Variants in RANBP9 observed in about 807,000 individuals in gnomAD.
The protein encoded by RANBP9 is ran-binding protein 9.
Under a neutral mutation model 84.3 loss-of-function variants are expected in RANBP9, and 15 were observed. The observed-to-expected ratio is 0.18, with a 90% confidence interval of 0.12 to 0.27. The LOEUF (loss-of-function observed/expected upper bound fraction) is 0.27, where lower values mean the gene tolerates loss of function less well. Among genes scored for constraint, RANBP9 ranks in the 10% least tolerant of loss-of-function variants. The probability of loss-of-function intolerance (pLI) is 1.00; values close to 1 mark genes in which losing one functional copy is unlikely to be tolerated. For synonymous variants in RANBP9, 392 were observed against 349.6 expected, an observed-to-expected ratio of 1.12 and a Z score of -1.35; for missense variants, 809 against 912.8, an observed-to-expected ratio of 0.89 and a Z score of 1.46.
intron 8 of RANBP9, 24 bp downstream of exon 8, chr6:13,641,175 T>C (rs767613476): frequency 1.8e-5 from 23 of 1,289,204 alleles, no homozygotes; most frequent in Non-Finnish European, 2.5e-5. Flanking sequence ...ATAACAAATA[T>C]AGCATTTTAT....
Position 13,682,113 on chromosome 6 carries a change from C to T in RANBP9, c.683+14672G>A, listed in dbSNP as rs185551843. ...CTGACCTCAGGTGTTCCTCCCACCT[C>T]GGCCTCTTAAAGTGCTGGGATTACA... On this transcript the variant is annotated intron_variant, in intron 2 of 13. Coordinates refer to ENST00000011619, the MANE Select transcript of RANBP9 (RefSeq NM_005493.3). 3.7e-3 allele frequency among the ~76,000 whole-genome samples: 561 copies of T among 152,184 alleles called. 4 individuals are homozygous for T. The highest frequency in any genetic ancestry group is 0.013 in the African/African-American group (532 of 41,502).
chr6:13,632,718 C>T lies in RANBP9; in HGVS notation c.1796-197G>A, dbSNP rs1019442028. On this transcript the variant is annotated intron_variant, in intron 11 of 13. Transcript: ENST00000011619. ...TATACTTTATTTAGCTCTCAAGAGT[C>T]TAGGATCCAGTATTCAGCATGCAGT... 1.1e-4 allele frequency: 59 copies of T among 544,596 alleles called. No homozygotes were observed. In the African/African-American group the frequency reaches 1.1e-3, roughly 10 times the overall value. The allele number at this position is 544,596 out of a possible 1,614,324, so 33.7% of individuals were successfully genotyped here.
At chr6:13,682,861 A>G (rs2113332588) in intron 2 of RANBP9, among the ~76,000 whole-genome samples, 1 of 152,360 alleles carries the variant, frequency 6.6e-6, no homozygotes, top group South Asian at 2.1e-4. Flanking sequence ...AAACTCTGCA[A>G]CTCATGAACT....
intron 12 of RANBP9, among the ~76,000 whole-genome samples, chr6:13,629,917 CTCTCGTGT>C (rs771716276): frequency 3.2e-5 from 4 of 124,430 alleles, no homozygotes; most frequent in South Asian, 3.1e-4. Flanking sequence ...CTCTCTCTCT[CTCTCGTGT>C]GTGTGTGTGT....
chr6:13,681,951 C>T (rs1318066141), intron 2 of RANBP9, among the ~76,000 whole-genome samples: 10 of 152,074 alleles, frequency 6.6e-5, no homozygotes, highest in Non-Finnish European at 1.3e-4. Context: ...CTCCACCTCC[C>T]AGGCTCAAGC....
intron 12 of RANBP9, among the ~76,000 whole-genome samples, chr6:13,628,130 T>G (rs1764673902): frequency 6.6e-6 from 1 of 152,256 alleles, no homozygotes; most frequent in African/African-American, 2.4e-5. Flanking sequence ...TCTAAAGTTG[T>G]TATCATGTCT....
In RANBP9 at chr6:13,633,832, A is replaced by G. The variant is rs976523767; in HGVS notation, c.1795+599T>C. Among the ~76,000 whole-genome samples the G allele has an allele frequency of 2.0e-5, 3 of 152,140 alleles. No individual in the cohort carries two copies. The East Asian group carries it at 5.8e-4, about 29-fold the overall frequency. ...TCCAACAAATAAATTTTCACTCTCC[A>G]TTTGATGGGATAGTTTGCTGATGGG... On this transcript the variant is annotated intron_variant, in intron 11 of 13. Coordinates refer to ENST00000011619, the MANE Select transcript of RANBP9 (RefSeq NM_005493.3).
intron 2 of RANBP9, among the ~76,000 whole-genome samples, chr6:13,675,554 C>A (rs1005972123): frequency 6.6e-6 from 1 of 151,964 alleles, no homozygotes; most frequent in African/African-American, 2.4e-5. Flanking sequence ...AATGATTTAA[C>A]TTTCCGCCTT....
At chr6:13,677,464 CTTTTT>C (rs920649604) in intron 2 of RANBP9, among the ~76,000 whole-genome samples, 1 of 151,878 alleles carries the variant, frequency 6.6e-6, no homozygotes. Flanking sequence ...TAAGAGGGAT[CTTTTT>C]TTTATCTTAC....
intron 1 of RANBP9, among the ~76,000 whole-genome samples, chr6:13,710,221 A>AT (rs1445377069): frequency 1.3e-5 from 2 of 152,110 alleles, no homozygotes; most frequent in Non-Finnish European, 2.9e-5. Context: ...ACTAAGCTGC[A>AT]TTTTGTTCCA....
At position 13,637,808 on chromosome 6, in the gene RANBP9, C is replaced by T; in HGVS notation, c.1673G>A (p.Ser558Asn). 1 of 1,584,080 alleles carries T rather than the reference C, an allele frequency of 6.3e-7. No homozygotes were observed. Among genetic ancestry groups the T allele is most frequent in the Non-Finnish European group, 8.6e-7 (1 of 1,167,948 alleles). The stretch of plus-strand genomic sequence containing the variant: ...TGCAAAAGTCAGTGAAATTACTTAC[C>T]TGGTGAAGTTATTAACTTGCTGTGA... ...SRSQQVNNFT[S>N]NDVDMETDHY... Residue 558 changes from serine to asparagine, a missense_variant and splice_region_variant, in exon 10 of 14, where the codon AGT becomes AAT. Ser to Asn is a conservative substitution (Grantham distance 46). Coordinates refer to ENST00000011619, the MANE Select transcript of RANBP9 (RefSeq NM_005493.3).
chr6:13,666,302 C>T (rs537093910), intron 2 of RANBP9, among the ~76,000 whole-genome samples: 99 of 152,054 alleles, frequency 6.5e-4, no homozygotes, highest in African/African-American at 2.3e-3. Flanking sequence ...ATAGTCAGGT[C>T]CGCTATATCA....
chr6:13,691,848 GTAGAGACGGGGTT>G (rs1425529147), intron 2 of RANBP9, among the ~76,000 whole-genome samples: 2 of 152,062 alleles, frequency 1.3e-5, no homozygotes, highest in African/African-American at 4.8e-5. Context: ...TGTATTTTTA[GTAGAGACGGGGTT>G]TCACTATGTT....
intron 1 of RANBP9, among the ~76,000 whole-genome samples, chr6:13,700,519 A>C (rs1186600148): frequency 6.6e-6 from 1 of 152,072 alleles, no homozygotes; most frequent in Non-Finnish European, 1.5e-5. Flanking sequence ...TTTAAATCTT[A>C]GCTCAAGCTT....
At chr6:13,690,397 T>C (rs1766296293) in intron 2 of RANBP9, among the ~76,000 whole-genome samples, 1 of 152,188 alleles carries the variant, frequency 6.6e-6, no homozygotes, top group African/African-American at 2.4e-5. Context: ...GAATCAAACC[T>C]AGAAGGAAAG....
At chr6:13,673,956 C>T (rs924599748) in intron 2 of RANBP9, among the ~76,000 whole-genome samples, 1 of 151,712 alleles carries the variant, frequency 6.6e-6, no homozygotes, top group Non-Finnish European at 1.5e-5. Context: ...TGGTGGTGTG[C>T]CCTTGTAGTT....
intron 5 of RANBP9, among the ~76,000 whole-genome samples, chr6:13,644,956 ATC>A (rs1421709823): frequency 1.3e-5 from 2 of 152,146 alleles, no homozygotes; most frequent in East Asian, 1.9e-4. Flanking sequence ...GAGACCCAAG[ATC>A]TCTGTTTTAT....
At chr6:13,677,400 T>C (rs1765916463) in intron 2 of RANBP9, among the ~76,000 whole-genome samples, 1 of 152,140 alleles carries the variant, frequency 6.6e-6, no homozygotes, top group Non-Finnish European at 1.5e-5. Context: ...AGACTCAAAT[T>C]TTAAAATTTC....
intron 2 of RANBP9, among the ~76,000 whole-genome samples, chr6:13,686,015 A>T (rs1766167665): frequency 6.6e-6 from 1 of 151,266 alleles, no homozygotes; most frequent in South Asian, 2.1e-4. Flanking sequence ...ATTGATAGCA[A>T]TTAATTATAC....
Sources: allele counts gnomAD v4.1 joint callset (sites outside exome capture counted in the v4.1 genomes callset), GRCh38; gene constraint gnomAD v4.1.1; transcripts MANE v1.5; gene names NCBI Gene and HGNC (gene_info 2026-07-23, HGNC 2026-07-21).